Variants in LOC128462377 observed in about 807,000 individuals in gnomAD.
chr16:89,338,457 G>C, the LOC128462377 span, among the ~76,000 whole-genome samples: 1 of 149,580 alleles, frequency 6.7e-6, no homozygotes, highest in Admixed American at 6.6e-5. Context: ...ACCAGGCGCT[G>C]TGGCTCACAC....
the LOC128462377 span, among the ~76,000 whole-genome samples, chr16:89,322,865 G>A: frequency 7.9e-5 from 12 of 152,228 alleles, no homozygotes; most frequent in Non-Finnish European, 1.0e-4. Flanking sequence ...TTGTTTGTTT[G>A]TTTGAGACAG....
At chr16:89,355,906 C>A in the LOC128462377 span, among the ~76,000 whole-genome samples, 2 of 152,152 alleles carry the variant, frequency 1.3e-5, no homozygotes, top group African/African-American at 4.8e-5. Flanking sequence ...CCCCCCAGCA[C>A]AGCTCGGGAG....
chr16:89,324,440 T>A, the LOC128462377 span: 1 of 462,990 alleles, frequency 2.2e-6, no homozygotes, highest in Non-Finnish European at 4.3e-6. Context: ...AAGGTAAGTG[T>A]GAGGGTTACT....
chr16:89,384,946 C>T, the LOC128462377 span, among the ~76,000 whole-genome samples: 1 of 122,712 alleles, frequency 8.1e-6, no homozygotes, highest in Non-Finnish European at 1.6e-5. Flanking sequence ...AGTGCAGTGG[C>T]ACAATCTCAG....
At chr16:89,404,220 G>C in the LOC128462377 span, among the ~76,000 whole-genome samples, 38 of 152,150 alleles carry the variant, frequency 2.5e-4, no homozygotes, top group Admixed American at 7.2e-4. Context: ...GGGAAGCCCA[G>C]TTTGGCCGAC....
chr16:89,401,913 A>G, the LOC128462377 span, among the ~76,000 whole-genome samples: 3 of 151,398 alleles, frequency 2.0e-5, no homozygotes, highest in African/African-American at 7.3e-5. Context: ...ATCCCCCAGA[A>G]CCTGGAGAGA....
At chr16:89,413,067 G>A in the LOC128462377 span, among the ~76,000 whole-genome samples, 1 of 152,316 alleles carries the variant, frequency 6.6e-6, no homozygotes, top group Non-Finnish European at 1.5e-5. Context: ...GAGCCTGGAG[G>A]GGGAGGGAGT....
chr16:89,386,589 G>A, the LOC128462377 span, among the ~76,000 whole-genome samples: 3 of 152,206 alleles, frequency 2.0e-5, no homozygotes, highest in Admixed American at 6.5e-5. Context: ...CCGCGGGGAG[G>A]AGTGTATCCA....
At chr16:89,325,317 G>A in the LOC128462377 span, among the ~76,000 whole-genome samples, 1 of 152,046 alleles carries the variant, frequency 6.6e-6, no homozygotes, top group African/African-American at 2.4e-5. Flanking sequence ...GCATGCTGGC[G>A]GTCTCAGCTA....
At chr16:89,347,284 G>C in the LOC128462377 span, among the ~76,000 whole-genome samples, 5 of 152,316 alleles carry the variant, frequency 3.3e-5, no homozygotes, top group East Asian at 3.9e-4. Context: ...GTGTGTACCT[G>C]TATGTGTGTA....
At chr16:89,328,654 C>A in the LOC128462377 span, among the ~76,000 whole-genome samples, 2 of 122,932 alleles carry the variant, frequency 1.6e-5, no homozygotes, top group African/African-American at 6.4e-5. Context: ...GCGAAATCAG[C>A]GGAGGCCCCT....
the LOC128462377 span, chr16:89,324,311 C>A: frequency 7.9e-7 from 1 of 1,270,046 alleles, no homozygotes; most frequent in Non-Finnish European, 1.0e-6. Flanking sequence ...GACAGGAGCA[C>A]GGACACAGCA....
chr16:89,357,908 A>C, the LOC128462377 span, among the ~76,000 whole-genome samples: 4 of 152,250 alleles, frequency 2.6e-5, no homozygotes, highest in Non-Finnish European at 4.4e-5. Flanking sequence ...ATTTTTATTG[A>C]ACACTGGGAT....
chr16:89,379,041 C>G, the LOC128462377 span, among the ~76,000 whole-genome samples: 1 of 152,240 alleles, frequency 6.6e-6, no homozygotes, highest in African/African-American at 2.4e-5. Flanking sequence ...GAGGCATTCA[C>G]TGTCGCTTAG....
At chr16:89,342,035 C>CACGA in the LOC128462377 span, among the ~76,000 whole-genome samples, 487 of 42,096 alleles carry the variant, frequency 0.012, 5 homozygotes, top group African/African-American at 0.027. Flanking sequence ...CTCCACTGCC[C>CACGA]ACAGCGGCCA....
the LOC128462377 span, among the ~76,000 whole-genome samples, chr16:89,352,799 T>A: frequency 6.6e-6 from 1 of 152,328 alleles, no homozygotes; most frequent in Non-Finnish European, 1.5e-5. Flanking sequence ...GCTGCTGCCC[T>A]CCTTCAAGAT....
chr16:89,319,361 A>G, the LOC128462377 span, among the ~76,000 whole-genome samples: 6 of 152,176 alleles, frequency 3.9e-5, no homozygotes, highest in East Asian at 9.6e-4. Context: ...CTGGGAGTCC[A>G]CTCAGGAGGT....
chr16:89,410,393 G>T, the LOC128462377 span, among the ~76,000 whole-genome samples: 3 of 152,228 alleles, frequency 2.0e-5, no homozygotes, highest in Non-Finnish European at 4.4e-5. Flanking sequence ...CCAAGGAAAT[G>T]GAGATAATAA....
chr16:89,385,867 C>T, the LOC128462377 span, among the ~76,000 whole-genome samples: 1 of 152,242 alleles, frequency 6.6e-6, no homozygotes, highest in Non-Finnish European at 1.5e-5. Flanking sequence ...GCCAAGAGCT[C>T]CATTTGTGAC....
Sources: allele counts gnomAD v4.1 joint callset (sites outside exome capture counted in the v4.1 genomes callset), GRCh38; gene constraint gnomAD v4.1.1; transcripts MANE v1.5.